Variants in SMG6 observed in about 807,000 individuals in gnomAD.
SMG6 encodes the protein telomerase-binding protein EST1A.
A neutral mutation model predicts 142.2 loss-of-function variants in SMG6; 66 were observed. The observed-to-expected ratio is 0.46, with a 90% confidence interval of 0.38 to 0.57. SMG6 has a LOEUF of 0.57. Ranked by LOEUF, SMG6 falls within the 20% of genes least tolerant of loss-of-function variation. The probability of loss-of-function intolerance (pLI) is 0.00; values close to 1 mark genes in which losing one functional copy is unlikely to be tolerated. For synonymous variants in SMG6, 779 were observed against 702.4 expected (o/e 1.11, Z -1.72); for missense variants, 1,793 against 1,832.0 (o/e 0.98, Z 0.39).
intron 16 of SMG6, among the ~76,000 whole-genome samples, chr17:2,066,492 T>C (rs1226336897): frequency 2.6e-5 from 4 of 152,074 alleles, no homozygotes; most frequent in Non-Finnish European, 5.9e-5. Flanking sequence ...GGGAAATATG[T>C]GCTCCTCGGG....
At chr17:2,176,277 A>C (rs1353831567) in intron 12 of SMG6, among the ~76,000 whole-genome samples, 1 of 152,112 alleles carries the variant, frequency 6.6e-6, no homozygotes, top group Non-Finnish European at 1.5e-5. Context: ...TCTAGCCTTC[A>C]CCCGACAGCA....
chr17:2,156,038 C>A (rs1467346430), intron 13 of SMG6, among the ~76,000 whole-genome samples: 1 of 131,806 alleles, frequency 7.6e-6, no homozygotes, highest in Non-Finnish European at 1.6e-5. Context: ...TTTTCTTTAC[C>A]TTTTTTTTTT....
At chr17:2,129,709 G>A (rs771186210) in intron 13 of SMG6, among the ~76,000 whole-genome samples, 7 of 140,296 alleles carry the variant, frequency 5.0e-5, no homozygotes, top group Admixed American at 8.1e-5. Flanking sequence ...CAGGAGAATC[G>A]CTTGAACCCA....
chr17:2,198,006 C>T (rs114102831), intron 10 of SMG6, among the ~76,000 whole-genome samples: 1,601 of 152,194 alleles, frequency 0.011, 30 homozygotes, highest in African/African-American at 0.035. Flanking sequence ...TGAAAACTTA[C>T]GTTTAGAAAA....
chr17:2,196,910 T>C (rs1458363509), intron 10 of SMG6, among the ~76,000 whole-genome samples: 2 of 152,172 alleles, frequency 1.3e-5, no homozygotes, highest in African/African-American at 2.4e-5. Flanking sequence ...CAAATGGTAC[T>C]GAAGCAATTA....
chr17:2,172,765 C>T lies in SMG6; in HGVS notation c.3250G>A (p.Asp1084Asn), dbSNP rs771342156. 2 of 1,614,160 alleles carry T rather than the reference C, an allele frequency of 1.2e-6. No individual in the cohort carries two copies. The highest frequency in any genetic ancestry group is 2.2e-5 in the South Asian group (2 of 91,086). ...TCCAGGATAAGAAGGGTGAGGTCAT[C>T]ATCCGGGTCCTTGTACAGTGGCACC... ...SEVPLYKDPDDDLTLLILEED... is the reference protein window; with the variant it reads ...SEVPLYKDPDNDLTLLILEED... Residue 1084 changes from aspartate (D) to asparagine (N), a missense_variant, in exon 13 of 19, where the codon GAT (aspartate) becomes AAT (asparagine). By Grantham distance (23) the Asp-to-Asn change is conservative. Coordinates refer to ENST00000263073, the MANE Select transcript of SMG6 (RefSeq NM_017575.5).
chr17:2,091,671 TGC>T (rs1191603203), intron 13 of SMG6, among the ~76,000 whole-genome samples: 2,992 of 113,378 alleles, frequency 0.026, 118 homozygotes, highest in African/African-American at 0.099. Context: ...TCAGTCTTTT[TGC>T]TTTTTTTTTT....
At chr17:2,127,747 T>G (rs1474453034) in intron 13 of SMG6, 1 of 558,616 alleles carries the variant, frequency 1.8e-6, no homozygotes, top group African/African-American at 1.9e-5. Context: ...CTGATGTAGT[T>G]TGAGTTTTAT....
chr17:2,128,964 A>G (rs2070007592), intron 13 of SMG6, among the ~76,000 whole-genome samples: 1 of 152,240 alleles, frequency 6.6e-6, no homozygotes, highest in Non-Finnish European at 1.5e-5. Context: ...ATCTCCCATG[A>G]AACAACTATG....
chr17:2,131,198 A>G (rs765253912), intron 13 of SMG6, among the ~76,000 whole-genome samples: 5 of 152,206 alleles, frequency 3.3e-5, no homozygotes, highest in Non-Finnish European at 7.3e-5. Context: ...TCAAACATAT[A>G]TAAAAGGAGA....
At chr17:2,209,850 T>TA (rs1172994692) in intron 10 of SMG6, among the ~76,000 whole-genome samples, 6 of 152,208 alleles carry the variant, frequency 3.9e-5, no homozygotes, top group Admixed American at 2.6e-4. Flanking sequence ...ACACAACAAT[T>TA]AAAGCTACCA....
At chr17:2,123,525 A>T (rs944543434) in intron 13 of SMG6, among the ~76,000 whole-genome samples, 5 of 152,310 alleles carry the variant, frequency 3.3e-5, no homozygotes, top group African/African-American at 1.2e-4. Context: ...TGATGAATTA[A>T]ATCTTGGCAA....
rs757757751 is a variant in SMG6 at position 2,300,145 on chromosome 17, C to A, written c.608G>T (p.Ser203Ile). The A allele has an allele frequency of 6.8e-5, 109 of 1,614,006 alleles. 1 individual carries two copies. In the South Asian group the frequency reaches 7.4e-4, roughly 11 times the overall value. Residue 203 changes from serine to isoleucine, a missense_variant, in exon 2 of 19, where the codon AGC (serine) becomes ATC (isoleucine). Physicochemically the swap from Ser to Ile is moderately radical, Grantham distance 142. Around this residue, in one of 3 missense-constraint regions of SMG6, gnomAD observed 1,597 missense variants for 1,584.6 expected, o/e 1.01. Transcript: ENST00000263073. ...AGCCCCTACTCTCCCACCACCTGGG[C>A]TCTTTTCTATCTCAGCCCTGTCTGG... is the stretch of plus-strand genomic sequence containing the variant. ...NKPDRAEIEK[S>I]PGGGRVGAAK... is the part of the protein sequence containing the mutation.
intron 13 of SMG6, among the ~76,000 whole-genome samples, chr17:2,133,761 A>G (rs1597445464): frequency 6.6e-6 from 1 of 152,216 alleles, no homozygotes; most frequent in Non-Finnish European, 1.5e-5. Flanking sequence ...TTCTGCAGGT[A>G]GGATAGCCAT....
Position 2,087,584 on chromosome 17 carries a change from C to T in SMG6, c.3358-1683G>A, listed in dbSNP as rs765395120. On this transcript the variant is annotated intron_variant, in intron 13 of 18. Coordinates refer to ENST00000263073, the MANE Select transcript of SMG6 (RefSeq NM_017575.5). Reference sequence around the variant, plus strand: ...CAGAAGGGCTTAGAAAAAGTTCAGCCCCTTGAGCTTGGGGTGCCTGGTCCT... The same window carrying T: ...CAGAAGGGCTTAGAAAAAGTTCAGCTCCTTGAGCTTGGGGTGCCTGGTCCT... 6.9e-5 allele frequency: 69 copies of T among 1,002,950 alleles called. No individual in the cohort carries two copies. The Admixed American group carries it at 7.1e-4, about 10-fold the overall frequency. The allele number at this position is 1,002,950 out of a possible 1,614,324, so 62.1% of individuals were successfully genotyped here.
intron 10 of SMG6, among the ~76,000 whole-genome samples, chr17:2,204,040 C>T (rs1367691683): frequency 6.6e-6 from 1 of 152,098 alleles, no homozygotes; most frequent in Non-Finnish European, 1.5e-5. Flanking sequence ...CATAGCTCAC[C>T]ACAGCCTTGA....
intron 13 of SMG6, among the ~76,000 whole-genome samples, chr17:2,162,506 TCCC>T (rs1390102452): frequency 9.1e-4 from 88 of 96,304 alleles, no homozygotes; most frequent in African/African-American, 3.5e-3. Flanking sequence ...AGAGTGAGAC[TCCC>T]CATCTCAGAA....
At chr17:2,303,267 T>A (rs1413555803) in intron 1 of SMG6, 2 of 1,058,638 alleles carry the variant, frequency 1.9e-6, no homozygotes, top group Admixed American at 1.1e-4. Context: ...GAGGGCGGCC[T>A]GGAGAGCGAT....
rs1177823399 is a variant in SMG6 at position 2,282,809 on chromosome 17, G to C, written c.2499C>G (p.Asp833Glu). 1.9e-6 allele frequency: 3 copies of C among 1,614,130 alleles called. No individual in the cohort carries two copies. Among genetic ancestry groups the C allele is most frequent in the Non-Finnish European group, 2.5e-6 (3 of 1,180,036 alleles). Reference protein sequence around the residue: ...KQHEEFDLSPDQWRKGKKSTF... With the variant: ...KQHEEFDLSPEQWRKGKKSTF... ...TAGACTTCTTTCCTTTCCGCCACTG[G>C]TCAGGGCTCAGGTCAAATTCCTCAT... is the stretch of plus-strand genomic sequence containing the variant. The change falls in exon 8 of 19, where the codon GAC (aspartate) becomes GAG (glutamate). Residue 833 changes from aspartate (D) to glutamate (E), a missense_variant. Around this residue, in one of 3 missense-constraint regions of SMG6, gnomAD observed 1,597 missense variants for 1,584.6 expected, o/e 1.01. Transcript: ENST00000263073.
Sources: allele counts gnomAD v4.1 joint callset (sites outside exome capture counted in the v4.1 genomes callset), GRCh38; gene constraint gnomAD v4.1.1; regional missense constraint gnomAD v4.1.1; transcripts MANE v1.5; gene names NCBI Gene and HGNC (gene_info 2026-07-23, HGNC 2026-07-21).